DIAPH3: variants seen among roughly 807,000 people sequenced by gnomAD.
The protein encoded by DIAPH3 is protein diaphanous homolog 3.
DIAPH3 carries 117 observed loss-of-function variants against 144.3 expected under a neutral mutation model. The ratio of observed to expected loss-of-function variants is 0.81; its 90% CI spans 0.70 to 0.95. The LOEUF (loss-of-function observed/expected upper bound fraction) is 0.95, where lower values mean the gene tolerates loss of function less well. Ranked by LOEUF, DIAPH3 falls within the 40% of genes least tolerant of loss-of-function variation. The pLI is 0.00. For missense variants in DIAPH3, 1,421 were observed against 1,412.7 expected, an observed-to-expected ratio of 1.01 and a Z score of -0.09; for synonymous variants, 519 against 488.9, an observed-to-expected ratio of 1.06 and a Z score of -0.81.
chr13:59,677,429 A>G (rs1424168578), intron 27 of DIAPH3, among the ~76,000 whole-genome samples: 1 of 152,184 alleles, frequency 6.6e-6, no homozygotes, highest in Non-Finnish European at 1.5e-5. Flanking sequence ...TGAAAAAAAA[A>G]GGTGAAATTA....
Position 59,872,269 on chromosome 13 carries a change from T to C in DIAPH3, c.2607+6960A>G, listed in dbSNP as rs564162454. On this transcript the variant is annotated intron_variant, in intron 21 of 27. Transcript: ENST00000400324. ...ATCGAACAAAACTTTATAAGTTGTA[T>C]TTTCATTTTGCTGTTTCATATAAGT... 6.6e-4 allele frequency among the ~76,000 whole-genome samples: 100 copies of C among 152,338 alleles called. 1 individual carries two copies. Among genetic ancestry groups the C allele is most frequent in the Middle Eastern group, 3.4e-3 (1 of 294 alleles).
At chr13:59,905,013 T>C (rs1216015492) in intron 20 of DIAPH3, among the ~76,000 whole-genome samples, 2 of 152,176 alleles carry the variant, frequency 1.3e-5, no homozygotes, top group East Asian at 1.9e-4. Context: ...TTAATGATTA[T>C]GCAAGGAAAA....
intron 17 of DIAPH3, among the ~76,000 whole-genome samples, chr13:59,950,622 G>A (rs750891846): frequency 9.9e-5 from 15 of 152,094 alleles, no homozygotes; most frequent in Non-Finnish European, 1.9e-4. Flanking sequence ...ATTTCCCAAA[G>A]GAGATGACAC....
At chr13:59,857,037 G>T (rs962702622) in intron 22 of DIAPH3, among the ~76,000 whole-genome samples, 1 of 152,028 alleles carries the variant, frequency 6.6e-6, no homozygotes, top group Non-Finnish European at 1.5e-5. Flanking sequence ...CCAATATAAT[G>T]TTAGCTGTGT....
chr13:59,741,209 G>A (rs1365972016), intron 27 of DIAPH3, among the ~76,000 whole-genome samples: 2 of 152,056 alleles, frequency 1.3e-5, no homozygotes, highest in Non-Finnish European at 2.9e-5. Context: ...AAATACAAAG[G>A]GAAGCTTTTT....
At chr13:60,006,739 G>A (rs1476700677) in intron 9 of DIAPH3, among the ~76,000 whole-genome samples, 1 of 152,182 alleles carries the variant, frequency 6.6e-6, no homozygotes, top group African/African-American at 2.4e-5. Context: ...GACTGGAAAT[G>A]AGGCTAGCAG....
intron 24 of DIAPH3, among the ~76,000 whole-genome samples, chr13:59,827,990 A>G (rs1846164635): frequency 6.6e-6 from 1 of 152,088 alleles, no homozygotes; most frequent in Non-Finnish European, 1.5e-5. Flanking sequence ...GGTTAATAGC[A>G]TGCAGTGAAT....
chr13:59,991,518 T>C (rs984728030), intron 11 of DIAPH3, among the ~76,000 whole-genome samples: 1 of 151,962 alleles, frequency 6.6e-6, no homozygotes, highest in African/African-American at 2.4e-5. Flanking sequence ...TAAGCACAGA[T>C]GCTGTTGGGA....
chr13:59,954,618 C>T (rs2049284986), intron 17 of DIAPH3, among the ~76,000 whole-genome samples: 1 of 151,996 alleles, frequency 6.6e-6, no homozygotes. Context: ...TCTCACACTG[C>T]TATAAAGAAC....
chr13:59,919,346 A>G lies in DIAPH3; in HGVS notation c.2171-3097T>C, dbSNP rs186901699. On this transcript the variant is annotated intron_variant, in intron 18 of 27. Transcript: ENST00000400324. ...GGTGTCTAGTATGATTGAATCCAAT[A>G]CTACACCATGACATTATAATCAAAC... is the stretch of plus-strand genomic sequence containing the variant. 3.7e-3 allele frequency among the ~76,000 whole-genome samples: 567 copies of G among 152,252 alleles called. 2 individuals are homozygous for G. Among genetic ancestry groups the G allele is most frequent in the African/African-American group, 0.012 (501 of 41,580 alleles).
chr13:59,897,292 G>C (rs1029141923), intron 20 of DIAPH3, among the ~76,000 whole-genome samples: 15 of 152,206 alleles, frequency 9.9e-5, no homozygotes, highest in African/African-American at 3.6e-4. Flanking sequence ...AATGAGAAAT[G>C]AAAGGACCTA....
chr13:60,005,497 G>A (rs1271982652), intron 9 of DIAPH3, among the ~76,000 whole-genome samples: 2 of 151,064 alleles, frequency 1.3e-5, no homozygotes, highest in African/African-American at 4.9e-5. Context: ...TCTTTTTTTT[G>A]AGACAGAGAG....
chr13:59,949,323 A>G (rs2048977682), intron 17 of DIAPH3, among the ~76,000 whole-genome samples: 1 of 152,184 alleles, frequency 6.6e-6, no homozygotes. Flanking sequence ...CCTCCCATGA[A>G]TTTTGTTTAG....
chr13:59,676,500 T>C (rs2032652021), intron 27 of DIAPH3, among the ~76,000 whole-genome samples: 1 of 151,954 alleles, frequency 6.6e-6, no homozygotes, highest in Admixed American at 6.5e-5. Context: ...CTATAGTTTC[T>C]TCAACTGTTC....
intron 17 of DIAPH3, among the ~76,000 whole-genome samples, chr13:59,953,373 C>A (rs1011017689): frequency 2.0e-5 from 3 of 152,062 alleles, no homozygotes; most frequent in Non-Finnish European, 4.4e-5. Flanking sequence ...TCAGCATTTT[C>A]CAGATACTGA....
At chr13:59,759,736 G>A (rs2037476251) in intron 27 of DIAPH3, among the ~76,000 whole-genome samples, 1 of 152,046 alleles carries the variant, frequency 6.6e-6, no homozygotes. Flanking sequence ...ATGAGGTCAG[G>A]AGTTCGAGAC....
rs546258914 is a variant in DIAPH3, at chr13:59,987,031, T to C, written c.1362-3144A>G. On this transcript the variant is annotated intron_variant, in intron 12 of 27. Transcript: ENST00000400324. ...CTATAAAGACACATGCACGTGTATG[T>C]TTATTGCGGCATTATTCACGATAGC... Among the ~76,000 whole-genome samples the C allele has an allele frequency of 4.5e-4, 69 of 152,182 alleles. 2 individuals carry two copies. In the South Asian group the frequency reaches 8.9e-3, roughly 20 times the overall value.
At chr13:59,928,591 G>A (rs2047866838) in intron 17 of DIAPH3, among the ~76,000 whole-genome samples, 1 of 152,138 alleles carries the variant, frequency 6.6e-6, no homozygotes, top group Non-Finnish European at 1.5e-5. Flanking sequence ...AGAGTGTTTG[G>A]AGTTTTGGGT....
intron 17 of DIAPH3, among the ~76,000 whole-genome samples, chr13:59,940,238 C>T (rs1376942783): frequency 6.6e-6 from 1 of 152,148 alleles, no homozygotes; most frequent in African/African-American, 2.4e-5. Context: ...AACTCAATTA[C>T]TTTACAATTA....
Sources: gnomAD v4.1 joint callset for allele counts (sites outside exome capture counted in the v4.1 genomes callset) on GRCh38, gnomAD v4.1.1 for gene constraint, MANE v1.5 for transcripts, NCBI Gene and HGNC (gene_info 2026-07-23, HGNC 2026-07-21) for gene names.